Variants in ZFAT observed in about 807,000 individuals in gnomAD.
The protein encoded by ZFAT is zinc finger protein ZFAT.
In ZFAT, 64 loss-of-function variants were observed where a neutral mutation model predicts 117.7. The observed-to-expected ratio is 0.54, with a 90% CI of 0.44 to 0.67. The LOEUF is 0.67. Ranked by LOEUF, ZFAT falls within the 30% of genes least tolerant of loss-of-function variation. ZFAT has a pLI of 0.00. For missense variants in ZFAT, 1,433 were observed against 1,584.5 expected (o/e 0.90, Z 1.62); for synonymous variants, 679 against 615.0 (o/e 1.10, Z -1.54).
At chr8:134,654,925 T>C (rs1831499054) in intron 2 of ZFAT, among the ~76,000 whole-genome samples, 1 of 152,324 alleles carries the variant, frequency 6.6e-6, no homozygotes. Flanking sequence ...ACAAGTCTAG[T>C]TGTGGGGTTC....
intron 11 of ZFAT, among the ~76,000 whole-genome samples, chr8:134,562,183 A>T (rs1824100166): frequency 6.6e-6 from 1 of 152,212 alleles, no homozygotes. Flanking sequence ...GCCATGAGCC[A>T]AGGAATACAG....
chr8:134,594,836 C>T (rs1826806222), intron 7 of ZFAT: 1 of 152,232 alleles, frequency 6.6e-6, no homozygotes, highest in African/African-American at 2.4e-5. Flanking sequence ...GTAACTGCTA[C>T]AAGACCCTTA....
intron 11 of ZFAT, among the ~76,000 whole-genome samples, chr8:134,553,894 C>A (rs1050644065): frequency 6.6e-6 from 1 of 152,088 alleles, no homozygotes; most frequent in Non-Finnish European, 1.5e-5. Context: ...GACTGTAGAG[C>A]CACAATCTCT....
the ZFAT span, among the ~76,000 whole-genome samples, chr8:134,742,926 C>T: frequency 2.1e-4 from 32 of 152,314 alleles, no homozygotes; most frequent in African/African-American, 7.5e-4. Flanking sequence ...GGTCTGGGAG[C>T]CTGACACCCA....
the ZFAT span, among the ~76,000 whole-genome samples, chr8:134,733,057 CAAG>C: frequency 6.6e-6 from 1 of 152,000 alleles, no homozygotes; most frequent in Non-Finnish European, 1.5e-5. Flanking sequence ...AAACTGAGGC[CAAG>C]AAGAGGGCAT....
chr8:134,582,367 G>A (rs961347385), intron 10 of ZFAT, among the ~76,000 whole-genome samples: 7 of 152,228 alleles, frequency 4.6e-5, no homozygotes, highest in Non-Finnish European at 8.8e-5. Context: ...GGATACTCCA[G>A]GCTTCCCTGC....
chr8:134,618,844 G>T (rs1458425335), intron 3 of ZFAT, among the ~76,000 whole-genome samples: 1 of 152,172 alleles, frequency 6.6e-6, no homozygotes, highest in Non-Finnish European at 1.5e-5. Context: ...GGAGTAGTCA[G>T]CACTGTTCTA....
intron 3 of ZFAT, among the ~76,000 whole-genome samples, chr8:134,631,449 C>A (rs1169279650): frequency 6.6e-6 from 1 of 152,204 alleles, no homozygotes; most frequent in Non-Finnish European, 1.5e-5. Flanking sequence ...GGGCCCCAAC[C>A]AGCCCCAAAT....
At chr8:134,759,703 C>T in the ZFAT span, among the ~76,000 whole-genome samples, 2,938 of 152,094 alleles carry the variant, frequency 0.019, 79 homozygotes, top group African/African-American at 0.067. Context: ...CAGCTGGGCG[C>T]GATGGCTTAT....
At chr8:134,625,372 T>A (rs191959264) in intron 3 of ZFAT, among the ~76,000 whole-genome samples, 2 of 152,302 alleles carry the variant, frequency 1.3e-5, no homozygotes, top group East Asian at 3.9e-4. Context: ...GTATGAACCA[T>A]CACGAGAGAA....
chr8:134,533,859 G>T (rs1657498523), intron 11 of ZFAT, among the ~76,000 whole-genome samples: 1 of 152,194 alleles, frequency 6.6e-6, no homozygotes, highest in Admixed American at 6.5e-5. Context: ...CGACGGATGG[G>T]CATCTCCATC....
intron 1 of ZFAT, among the ~76,000 whole-genome samples, chr8:134,681,233 C>A (rs994452759): frequency 6.6e-6 from 1 of 152,170 alleles, no homozygotes; most frequent in African/African-American, 2.4e-5. Flanking sequence ...CCAGTACCTT[C>A]TATACCAGCT....
chr8:134,527,974 G>A (rs920519410), intron 12 of ZFAT, among the ~76,000 whole-genome samples: 2 of 152,118 alleles, frequency 1.3e-5, no homozygotes, highest in African/African-American at 2.4e-5. Flanking sequence ...AATTAGCCTC[G>A]GGGATGAAGA....
At chr8:134,520,237 C>T (rs376058390) in intron 13 of ZFAT, among the ~76,000 whole-genome samples, 18 of 152,272 alleles carry the variant, frequency 1.2e-4, no homozygotes, top group African/African-American at 3.9e-4. Context: ...AGAAATGCAG[C>T]TAAACAGCCT....
At chr8:134,823,801 T>C in the ZFAT span, among the ~76,000 whole-genome samples, 1 of 152,228 alleles carries the variant, frequency 6.6e-6, no homozygotes, top group South Asian at 2.1e-4. Context: ...AAGATATCAC[T>C]TAAGCCATTA....
At chr8:134,577,354 T>C (rs771855355) in intron 10 of ZFAT, among the ~76,000 whole-genome samples, 93 of 152,172 alleles carry the variant, frequency 6.1e-4, no homozygotes, top group Non-Finnish European at 1.2e-3. Context: ...ATGTGAAAAA[T>C]TGGATTCACA....
intron 1 of ZFAT, among the ~76,000 whole-genome samples, chr8:134,674,542 G>A (rs1263288957): frequency 6.6e-6 from 1 of 152,198 alleles, no homozygotes; most frequent in Non-Finnish European, 1.5e-5. Context: ...TGTGGGAAGG[G>A]GCAGCTGTGG....
At chr8:134,695,564 C>T (rs113796649) in intron 1 of ZFAT, among the ~76,000 whole-genome samples, 182 of 151,134 alleles carry the variant, frequency 1.2e-3, no homozygotes, top group African/African-American at 4.3e-3. Context: ...CACCACCACC[C>T]CCAGGCCCAG....
chr8:134,538,923 A>G (rs1017826089), intron 11 of ZFAT, among the ~76,000 whole-genome samples: 1 of 152,156 alleles, frequency 6.6e-6, no homozygotes, highest in Non-Finnish European at 1.5e-5. Context: ...TTATGTCAAG[A>G]AAGCAGTTAA....
Sources: allele counts gnomAD v4.1 joint callset (sites outside exome capture counted in the v4.1 genomes callset), GRCh38; gene constraint gnomAD v4.1.1; transcripts MANE v1.5; gene names NCBI Gene and HGNC (gene_info 2026-07-23, HGNC 2026-07-21).